RAB38: variants seen among roughly 807,000 people sequenced by gnomAD.
RAB38 encodes the protein RAB38, member RAS oncogene family, also known as ras-related protein Rab-38.
RAB38 carries 15 observed loss-of-function variants against 18.4 expected under a neutral mutation model. The observed-to-expected ratio is 0.82, with a 90% CI of 0.55 to 1.26. RAB38 has a LOEUF of 1.26. RAB38 is among the 50% of genes most tolerant of loss of function. The pLI is 0.00. For missense variants in RAB38, 294 were observed against 267.4 expected, an observed-to-expected ratio of 1.10 and a Z score of -0.69; for synonymous variants, 101 against 104.4, an observed-to-expected ratio of 0.97 and a Z score of 0.20.
chr11:87,830,420 G>A, the RAB38 span, among the ~76,000 whole-genome samples: 2 of 151,874 alleles, frequency 1.3e-5, no homozygotes, highest in African/African-American at 4.8e-5. Context: ...GGTTGAGGCT[G>A]TAGTGAGCCA....
the RAB38 span, among the ~76,000 whole-genome samples, chr11:87,876,866 A>G: frequency 6.6e-6 from 1 of 151,690 alleles, no homozygotes; most frequent in South Asian, 2.1e-4. Flanking sequence ...CTCCTTTGCC[A>G]TTCAGCTGAA....
chr11:88,078,501 A>ATGTGTGTG, the RAB38 span, among the ~76,000 whole-genome samples: 1 of 148,794 alleles, frequency 6.7e-6, no homozygotes, highest in African/African-American at 2.5e-5. Flanking sequence ...GTGTGTATAT[A>ATGTGTGTG]TGTGTGTGTG....
chr11:87,976,225 C>CTA, the RAB38 span, among the ~76,000 whole-genome samples: 46 of 139,750 alleles, frequency 3.3e-4, no homozygotes, highest in East Asian at 5.0e-3. Flanking sequence ...ATGTATATAC[C>CTA]TATATATATA....
the RAB38 span, among the ~76,000 whole-genome samples, chr11:88,104,249 C>G: frequency 6.6e-6 from 1 of 152,106 alleles, no homozygotes; most frequent in South Asian, 2.1e-4. Flanking sequence ...TTTAACCAAT[C>G]CTTCTTAATT....
chr11:88,019,430 A>G, the RAB38 span, among the ~76,000 whole-genome samples: 1,649 of 152,220 alleles, frequency 0.011, 9 homozygotes, highest in Non-Finnish European at 0.019. Context: ...GCTCTAAGGC[A>G]TAATGGTTGC....
At chr11:87,835,690 T>C in the RAB38 span, among the ~76,000 whole-genome samples, 1 of 152,152 alleles carries the variant, frequency 6.6e-6, no homozygotes, top group East Asian at 1.9e-4. Context: ...GAGATGTCCA[T>C]CTACAAGCTG....
the RAB38 span, among the ~76,000 whole-genome samples, chr11:88,010,521 A>T: frequency 6.6e-6 from 1 of 152,166 alleles, no homozygotes; most frequent in African/African-American, 2.4e-5. Flanking sequence ...TTTTCCCATA[A>T]AATCCAGAGA....
chr11:87,972,403 C>A, the RAB38 span, among the ~76,000 whole-genome samples: 1 of 152,076 alleles, frequency 6.6e-6, no homozygotes, highest in Non-Finnish European at 1.5e-5. Context: ...AATATACTCA[C>A]TCACTTTACA....
intron 1 of RAB38, among the ~76,000 whole-genome samples, chr11:88,169,000 A>T (rs1319566705): frequency 9.9e-5 from 15 of 152,226 alleles, no homozygotes; most frequent in Admixed American, 9.8e-4. Context: ...CTGGGAAGAT[A>T]AATTTGGCTT....
the RAB38 span, among the ~76,000 whole-genome samples, chr11:87,887,136 CT>C: frequency 6.6e-6 from 1 of 151,930 alleles, no homozygotes; most frequent in Non-Finnish European, 1.5e-5. Context: ...GCCGAGCAGG[CT>C]TGAGACTATC....
At chr11:88,154,054 G>T (rs1056925536) in intron 1 of RAB38, among the ~76,000 whole-genome samples, 1 of 152,172 alleles carries the variant, frequency 6.6e-6, no homozygotes, top group African/African-American at 2.4e-5. Flanking sequence ...TGTGAGAGAG[G>T]CAGAGAGCCT....
chr11:88,042,784 T>TG, the RAB38 span, among the ~76,000 whole-genome samples: 23 of 152,320 alleles, frequency 1.5e-4, no homozygotes, highest in African/African-American at 4.6e-4. Flanking sequence ...AATAGGCCAC[T>TG]GGGTAGGTTT....
chr11:87,943,290 ATTATT>A, the RAB38 span, among the ~76,000 whole-genome samples: 1 of 152,076 alleles, frequency 6.6e-6, no homozygotes, highest in Non-Finnish European at 1.5e-5. Context: ...GATAATTTAA[ATTATT>A]TTTATTGTTA....
the RAB38 span, among the ~76,000 whole-genome samples, chr11:88,078,982 A>ATGTACC: frequency 6.6e-6 from 1 of 151,954 alleles, no homozygotes; most frequent in African/African-American, 2.4e-5. Flanking sequence ...AAATTATCAC[A>ATGTACC]TGTACCCTGA....
At chr11:87,917,698 G>T in the RAB38 span, among the ~76,000 whole-genome samples, 4 of 151,972 alleles carry the variant, frequency 2.6e-5, no homozygotes, top group Admixed American at 6.6e-5. Flanking sequence ...CTGCTGTGAG[G>T]CTCCCTGTGA....
the RAB38 span, among the ~76,000 whole-genome samples, chr11:88,054,398 C>G: frequency 6.6e-6 from 1 of 152,182 alleles, no homozygotes; most frequent in Non-Finnish European, 1.5e-5. Flanking sequence ...TTAACTTTGA[C>G]ACACCTCAGT....
the RAB38 span, among the ~76,000 whole-genome samples, chr11:88,020,232 G>C: frequency 6.6e-6 from 1 of 151,940 alleles, no homozygotes; most frequent in African/African-American, 2.4e-5. Flanking sequence ...CACCAATAGA[G>C]ACACACATAG....
At chr11:87,952,492 A>G in the RAB38 span, among the ~76,000 whole-genome samples, 2 of 152,286 alleles carry the variant, frequency 1.3e-5, no homozygotes, top group South Asian at 2.1e-4. Flanking sequence ...TTAACTTCCT[A>G]TTGCTCCACC....
chr11:87,965,782 T>G, the RAB38 span, among the ~76,000 whole-genome samples: 5 of 152,178 alleles, frequency 3.3e-5, no homozygotes, highest in Admixed American at 3.3e-4. Context: ...ATTTTAACTT[T>G]TAACTGTTTT....
Sources: allele counts gnomAD v4.1 joint callset (sites outside exome capture counted in the v4.1 genomes callset), GRCh38; gene constraint gnomAD v4.1.1; transcripts MANE v1.5; gene names NCBI Gene and HGNC (gene_info 2026-07-23, HGNC 2026-07-21).